The following TFEC variants were observed in gnomAD, a reference collection of about 807,000 sequenced individuals.
TFEC encodes the protein class E basic helix-loop-helix protein 34.
TFEC carries 31 observed loss-of-function variants against 41.6 expected under a neutral mutation model. That is an observed-to-expected ratio of 0.74 (90% CI 0.56 to 1.01). The LOEUF (loss-of-function observed/expected upper bound fraction) is 1.01, where lower values mean the gene tolerates loss of function less well. TFEC is among the 50% of genes least tolerant of loss of function. The pLI, the probability that TFEC is intolerant of heterozygous loss-of-function variation, is 0.00. For missense variants in TFEC, 402 were observed against 404.1 expected (o/e 0.99, Z 0.04); for synonymous variants, 143 against 140.6 (o/e 1.02, Z -0.12).
chr7:116,106,030 T>A (rs1036688587), intron 3 of TFEC, among the ~76,000 whole-genome samples: 1 of 152,070 alleles, frequency 6.6e-6, no homozygotes, highest in South Asian at 2.1e-4. Context: ...TCTATCTTTA[T>A]CAACAAAATT....
intron 2 of TFEC, among the ~76,000 whole-genome samples, chr7:116,111,252 A>C (rs1276797472): frequency 6.6e-6 from 1 of 152,030 alleles, no homozygotes; most frequent in South Asian, 2.1e-4. Flanking sequence ...AAAAAAGTGG[A>C]CATGAACAAA....
intron 2 of TFEC, among the ~76,000 whole-genome samples, chr7:115,982,730 C>T (rs901737951): frequency 6.6e-6 from 1 of 152,160 alleles, no homozygotes; most frequent in Non-Finnish European, 1.5e-5. Flanking sequence ...ACTTTCAACC[C>T]TTCTGAGCCA....
chr7:116,086,072 T>C (rs887434615), intron 3 of TFEC, among the ~76,000 whole-genome samples: 1 of 151,916 alleles, frequency 6.6e-6, no homozygotes, highest in Admixed American at 6.6e-5. Context: ...TAATTTAATT[T>C]CTTTCACACA....
At chr7:116,010,973 C>G (rs1794979510) in intron 1 of TFEC, among the ~76,000 whole-genome samples, 1 of 152,114 alleles carries the variant, frequency 6.6e-6, no homozygotes. Flanking sequence ...CCCTTATCTG[C>G]AGCTCTAAAA....
intron 4 of TFEC, among the ~76,000 whole-genome samples, chr7:115,955,871 T>C (rs553351841): frequency 8.0e-4 from 121 of 152,184 alleles, no homozygotes; most frequent in Admixed American, 2.8e-3. Flanking sequence ...TTTTGAATTA[T>C]TGATTGAGCT....
Position 115,956,802 on chromosome 7 carries a change from G to C in TFEC, c.268-9C>G. 6.6e-7 allele frequency: 1 copy of C among 1,515,792 alleles called. No individual in the cohort carries two copies. Among genetic ancestry groups the C allele is most frequent in the East Asian group, 2.3e-5 (1 of 42,702 alleles). 93.9% of individuals were successfully genotyped at this position (1,515,792 alleles called of 1,614,324 possible). On this transcript the variant is annotated splice_polypyrimidine_tract_variant and intron_variant, in intron 3 of 7. Transcript: ENST00000265440. Reference sequence around the variant, plus strand: ...AAAATACTTCCAGATAACTTGAGAGGAAAAAGGAAGAAAAGATTAATAAAA... The same window carrying C: ...AAAATACTTCCAGATAACTTGAGAGCAAAAAGGAAGAAAAGATTAATAAAA...
intron 5 of TFEC, 67 bp downstream of exon 5, chr7:115,954,519 G>A: frequency 7.6e-7 from 1 of 1,324,102 alleles, no homozygotes; most frequent in South Asian, 1.4e-5. Flanking sequence ...TATAATAAAA[G>A]ACCACACACC....
chr7:116,110,118 C>A (rs1477493890), intron 3 of TFEC, among the ~76,000 whole-genome samples: 1 of 152,100 alleles, frequency 6.6e-6, no homozygotes, highest in Non-Finnish European at 1.5e-5. Context: ...GGAGATATAC[C>A]TAATGTAAAT....
chr7:115,965,798 A>G (rs1792817435), intron 3 of TFEC, among the ~76,000 whole-genome samples: 1 of 151,686 alleles, frequency 6.6e-6, no homozygotes, highest in Non-Finnish European at 1.5e-5. Flanking sequence ...TATCAGGACA[A>G]ATACAGGACA....
intron 3 of TFEC, among the ~76,000 whole-genome samples, chr7:116,039,954 G>A (rs960328562): frequency 6.6e-6 from 1 of 152,054 alleles, no homozygotes; most frequent in Admixed American, 6.6e-5. Context: ...AGGAGAACTG[G>A]GGTAAGTTTC....
chr7:115,975,034 C>T (rs1252634838), intron 2 of TFEC, among the ~76,000 whole-genome samples: 1 of 151,912 alleles, frequency 6.6e-6, no homozygotes, highest in Non-Finnish European at 1.5e-5. Context: ...TAATTTGTCC[C>T]AGATTATATA....
chr7:116,148,978 G>A (rs1798703084), intron 1 of TFEC, among the ~76,000 whole-genome samples: 2 of 151,810 alleles, frequency 1.3e-5, no homozygotes, highest in Admixed American at 1.3e-4. Context: ...AATGGATCCA[G>A]AAAGAATGAT....
chr7:116,115,877 T>C (rs1306816508), intron 1 of TFEC, among the ~76,000 whole-genome samples: 1 of 151,974 alleles, frequency 6.6e-6, no homozygotes, highest in African/African-American at 2.4e-5. Context: ...TTAACAAATA[T>C]TAGTTCATTA....
intron 3 of TFEC, among the ~76,000 whole-genome samples, chr7:115,971,986 T>A (rs1007137835): frequency 6.6e-6 from 1 of 152,200 alleles, no homozygotes; most frequent in East Asian, 1.9e-4. Context: ...CTAATATACT[T>A]ACTCAAAGCT....
intron 1 of TFEC, among the ~76,000 whole-genome samples, chr7:116,017,179 A>T (rs7786078): frequency 0.027 from 4,134 of 152,194 alleles, 176 homozygotes; most frequent in African/African-American, 0.094. Context: ...CACAGAATGG[A>T]TCACCTGTTC....
intron 1 of TFEC, among the ~76,000 whole-genome samples, chr7:116,002,812 A>G (rs774801460): frequency 7.9e-5 from 12 of 152,196 alleles, no homozygotes; most frequent in Non-Finnish European, 1.3e-4. Context: ...CATACTCACA[A>G]ACATTAAAAC....
intron 1 of TFEC, among the ~76,000 whole-genome samples, chr7:115,998,557 A>G (rs960462243): frequency 6.6e-6 from 1 of 151,926 alleles, no homozygotes; most frequent in Non-Finnish European, 1.5e-5. Flanking sequence ...GTAAAAAAAA[A>G]CACACAACAA....
At chr7:116,096,570 G>A (rs1427498144) in intron 3 of TFEC, among the ~76,000 whole-genome samples, 1 of 151,366 alleles carries the variant, frequency 6.6e-6, no homozygotes, top group Non-Finnish European at 1.5e-5. Context: ...ATATGATACT[G>A]AGAGTCCTCT....
At chr7:115,994,452 A>G (rs1794268867) in intron 1 of TFEC, among the ~76,000 whole-genome samples, 1 of 152,212 alleles carries the variant, frequency 6.6e-6, no homozygotes, top group Non-Finnish European at 1.5e-5. Flanking sequence ...TTTACAACCT[A>G]TCCCTCTGAC....
Sources: gnomAD v4.1 joint callset for allele counts (sites outside exome capture counted in the v4.1 genomes callset) on GRCh38, gnomAD v4.1.1 for gene constraint, MANE v1.5 for transcripts, NCBI Gene and HGNC (gene_info 2026-07-23, HGNC 2026-07-21) for gene names.